The following UPP2 variants were observed in gnomAD, a reference collection of about 807,000 sequenced individuals.
UPP2 encodes uridine phosphorylase 2, also known as UPase 2.
UPP2 carries 23 observed loss-of-function variants against 26.7 expected under a neutral mutation model. That is an observed-to-expected ratio of 0.86 (90% CI 0.62 to 1.22). The LOEUF (loss-of-function observed/expected upper bound fraction) is 1.22. Among genes scored for constraint, UPP2 ranks in the 50% most tolerant of loss-of-function variants. The pLI, the probability that UPP2 is intolerant of heterozygous loss-of-function variation, is 0.00. For synonymous variants in UPP2, 127 were observed against 141.3 expected (o/e 0.90, Z 0.72); for missense variants, 387 against 396.7 (o/e 0.98, Z 0.21).
At chr2:158,072,768 G>A (rs76028854) in intron 3 of UPP2, among the ~76,000 whole-genome samples, 1,561 of 152,250 alleles carry the variant, frequency 0.01, 29 homozygotes, top group African/African-American at 0.035. Context: ...AGAACACCAA[G>A]GTGGTAACTC....
At chr2:158,072,345 T>A (rs531392028) in intron 3 of UPP2, among the ~76,000 whole-genome samples, 2 of 152,240 alleles carry the variant, frequency 1.3e-5, no homozygotes, top group South Asian at 2.1e-4. Context: ...CTAGGTTTTT[T>A]TACTCCAATC....
chr2:158,002,368 G>A (rs1028730058), intron 2 of UPP2, among the ~76,000 whole-genome samples: 3 of 152,190 alleles, frequency 2.0e-5, no homozygotes, highest in African/African-American at 7.2e-5. Context: ...TGAACCAGGG[G>A]CCGAGCAGCT....
rs1334412305 is a variant in UPP2, at chr2:158,057,747, T to G, written c.147+41861T>G. The stretch of plus-strand genomic sequence containing the variant: ...CAGTTGATTCAGATTCTTTTTTGTT[T>G]TTTAACTTCTTTTTTTGTTGTTCCA... On this transcript the variant is annotated intron_variant, in intron 3 of 9. Coordinates refer to the UPP2 transcript ENST00000605860. Among the ~76,000 whole-genome samples the G allele has an allele frequency of 3.9e-5, 6 of 151,998 alleles. No homozygotes were observed. In the East Asian group the frequency reaches 1.2e-3, roughly 29 times the overall value.
chr2:158,084,202 C>A (rs985174703), intron 3 of UPP2, among the ~76,000 whole-genome samples: 2 of 152,038 alleles, frequency 1.3e-5, no homozygotes, highest in Non-Finnish European at 1.5e-5. Context: ...TATGGCCATT[C>A]TTGCAGGAGT....
Position 158,102,058 on chromosome 2 carries a change from G to C in UPP2, c.-6G>C. 2.5e-6 allele frequency: 4 copies of C among 1,613,230 alleles called. No individual in the cohort carries two copies. Among genetic ancestry groups the C allele is most frequent in the Non-Finnish European group, 3.4e-6 (4 of 1,179,602 alleles). ...ATTTAAGGTGACTTTTCACATAGTA[G>C]AGAGAATGGCTTCAGTTATACCTGC... On this transcript the variant is annotated 5_prime_UTR_variant, in exon 1 of 7. Transcript: ENST00000005756.
chr2:158,038,074 G>A (rs1427569978), intron 3 of UPP2, among the ~76,000 whole-genome samples: 1 of 152,158 alleles, frequency 6.6e-6, no homozygotes, highest in Non-Finnish European at 1.5e-5. Flanking sequence ...AATGTCAACA[G>A]TCGCCTAAAA....
intron 3 of UPP2, among the ~76,000 whole-genome samples, chr2:158,116,892 G>A (rs143666637): frequency 6.6e-6 from 1 of 152,218 alleles, no homozygotes; most frequent in East Asian, 1.9e-4. Context: ...ATATGCAATG[G>A]GAACCAGAAA....
intron 3 of UPP2, among the ~76,000 whole-genome samples, chr2:158,082,332 G>A (rs1039755517): frequency 1.3e-5 from 2 of 151,672 alleles, no homozygotes; most frequent in African/African-American, 4.8e-5. Flanking sequence ...TGTACCCAAC[G>A]TGTAGCCTTT....
At chr2:158,087,881 TA>T (rs890288113) in intron 3 of UPP2, among the ~76,000 whole-genome samples, 5 of 152,214 alleles carry the variant, frequency 3.3e-5, no homozygotes, top group African/African-American at 1.2e-4. Context: ...GTTTCCTTTT[TA>T]GGCTACCTGA....
At chr2:158,100,719 T>C (rs1326081933), upstream of UPP2, among the ~76,000 whole-genome samples, 4 of 152,230 alleles carry the variant, frequency 2.6e-5, no homozygotes, top group African/African-American at 4.8e-5. Flanking sequence ...ATAGTCATCA[T>C]TACCTTTTCC....
intron 3 of UPP2, among the ~76,000 whole-genome samples, chr2:158,063,295 G>A (rs1056885847): frequency 1.3e-5 from 2 of 152,124 alleles, no homozygotes; most frequent in African/African-American, 4.8e-5. Context: ...TAGAATATAG[G>A]CTACACAACA....
chr2:158,113,470 T>C (rs1306720749), intron 2 of UPP2, among the ~76,000 whole-genome samples: 1 of 152,212 alleles, frequency 6.6e-6, no homozygotes, highest in Non-Finnish European at 1.5e-5. Flanking sequence ...AGACTTCTAT[T>C]GCAGTTCATT....
intron 3 of UPP2, among the ~76,000 whole-genome samples, chr2:158,041,641 A>G (rs1684082483): frequency 1.3e-5 from 2 of 152,250 alleles, no homozygotes; most frequent in Non-Finnish European, 2.9e-5. Context: ...ACCAACAAAG[A>G]TCTTGATGCC....
At position 158,134,951 on chromosome 2, in the gene UPP2, A is replaced by G; in HGVS notation, c.*61A>G. 1 of 1,512,668 alleles carries G rather than the reference A, an allele frequency of 6.6e-7. No homozygotes were observed. The highest frequency in any genetic ancestry group is 8.9e-7 in the Non-Finnish European group (1 of 1,126,900). 93.7% of individuals were successfully genotyped at this position (1,512,668 alleles called of 1,614,324 possible). ...GTTTGTAGCTCAAGTTGTAATGTGA[A>G]AGTCATATTTTATTTGTGGCATTTT... is the stretch of plus-strand genomic sequence containing the variant. On this transcript the variant is annotated 3_prime_UTR_variant, in exon 7 of 7. Transcript: ENST00000005756.
chr2:158,104,701 C>G (rs1010661532), intron 1 of UPP2, among the ~76,000 whole-genome samples: 3 of 151,932 alleles, frequency 2.0e-5, no homozygotes, highest in African/African-American at 7.3e-5. Flanking sequence ...GTGGGTGGAT[C>G]GCTTGAGGTC....
At chr2:158,067,681 T>G (rs944338604) in intron 3 of UPP2, among the ~76,000 whole-genome samples, 3 of 152,166 alleles carry the variant, frequency 2.0e-5, no homozygotes, top group Non-Finnish European at 2.9e-5. Flanking sequence ...TTACAAATAC[T>G]GTGCCCCAGA....
intron 2 of UPP2, among the ~76,000 whole-genome samples, chr2:158,012,631 T>C (rs1032968110): frequency 6.6e-6 from 1 of 152,178 alleles, no homozygotes; most frequent in Non-Finnish European, 1.5e-5. Flanking sequence ...AACCACATCT[T>C]TGATCCTTAA....
intron 6 of UPP2, among the ~76,000 whole-genome samples, chr2:158,129,954 T>C (rs979006854): frequency 3.3e-5 from 5 of 151,956 alleles, no homozygotes; most frequent in African/African-American, 9.7e-5. Flanking sequence ...TTTATTGTTG[T>C]GGTTGTTGTT....
At chr2:158,119,786 G>C (rs1240900700) in intron 4 of UPP2, among the ~76,000 whole-genome samples, 2 of 151,876 alleles carry the variant, frequency 1.3e-5, no homozygotes, top group Non-Finnish European at 1.5e-5. Flanking sequence ...CGAGGCAGTG[G>C]ATCACTTGAG....
Sources: allele counts gnomAD v4.1 joint callset (sites outside exome capture counted in the v4.1 genomes callset), GRCh38; gene constraint gnomAD v4.1.1; transcripts MANE v1.5; gene names NCBI Gene and HGNC (gene_info 2026-07-23, HGNC 2026-07-21).